Variants in VPS13D observed in about 807,000 individuals in gnomAD.
VPS13D encodes intermembrane lipid transfer protein VPS13D.
In VPS13D, 187 loss-of-function variants were observed where a neutral mutation model predicts 461.9. The observed-to-expected ratio is 0.40, with a 90% confidence interval of 0.36 to 0.46. The LOEUF (loss-of-function observed/expected upper bound fraction) is 0.46, where lower values mean the gene tolerates loss of function less well. Ranked by LOEUF, VPS13D falls within the 20% of genes least tolerant of loss-of-function variation. The probability of loss-of-function intolerance (pLI) is 0.60; values close to 1 mark genes in which losing one functional copy is unlikely to be tolerated. For synonymous variants in VPS13D, 1,951 were observed against 1,986.3 expected (o/e 0.98, Z 0.47); for missense variants, 4,711 against 5,364.9 (o/e 0.88, Z 3.81).
At position 12,278,046 on chromosome 1, in the gene VPS13D, G is replaced by A; in HGVS notation, c.4450+8G>A. 2 of 1,599,154 alleles carry A rather than the reference G, an allele frequency of 1.3e-6. No individual in the cohort carries two copies. Among genetic ancestry groups the A allele is most frequent in the South Asian group, 1.1e-5 (1 of 88,970 alleles). On this transcript the variant is annotated splice_region_variant and intron_variant, in intron 19 of 69. Transcript: ENST00000620676. ...CTTTGCATAGAGGTCAAGGTGAGGA[G>A]CATCAGTCTTTTGTTCTATTTTGTT... is the stretch of plus-strand genomic sequence containing the variant.
In VPS13D at chr1:12,283,656, C is replaced by G; in HGVS notation, c.5554C>G (p.Leu1852Val). The change falls in exon 21 of 70, where the codon CTG becomes GTG. Residue 1852 changes from leucine (L) to valine (V), a missense_variant. Transcript: ENST00000620676. ...AATGAGGCTGCCTCCTGAGGGCATT[C>G]TGCACAACGTGAAGTTGGAGCCACA... ...HAMRLPPEGI[L>V]HNVKLEPHAS... 1 of 1,614,184 alleles carries G rather than the reference C, an allele frequency of 6.2e-7. No homozygotes were observed. The highest frequency in any genetic ancestry group is 8.5e-7 in the Non-Finnish European group (1 of 1,180,034).
chr1:12,252,406 C>A (rs1008396601), intron 6 of VPS13D, among the ~76,000 whole-genome samples: 3 of 152,194 alleles, frequency 2.0e-5, no homozygotes, highest in Admixed American at 1.3e-4. Context: ...AGATATCAGG[C>A]CTTTTGTACG....
chr1:12,481,260 C>G (rs1645712381), intron 67 of VPS13D, among the ~76,000 whole-genome samples: 2 of 152,162 alleles, frequency 1.3e-5, no homozygotes, highest in Admixed American at 1.3e-4. Flanking sequence ...AAGTCTGCAT[C>G]CCAGTACCCA....
At position 12,267,018 on chromosome 1, in the gene VPS13D, A is replaced by G; in HGVS notation, c.1725+7A>G. 5.7e-6 allele frequency: 9 copies of G among 1,571,278 alleles called. No homozygotes were observed. The highest frequency in any genetic ancestry group is 6.9e-6 in the Non-Finnish European group (8 of 1,163,888). On this transcript the variant is annotated splice_region_variant and intron_variant, in intron 14 of 69. Transcript: ENST00000620676. ...TCTAGTCTTCCCTAATCCAGTATGTACAACAGTTGGATAGTTAATGTATCT... is the reference window on the plus strand; with the variant it reads ...TCTAGTCTTCCCTAATCCAGTATGTGCAACAGTTGGATAGTTAATGTATCT...
intron 5 of VPS13D, among the ~76,000 whole-genome samples, chr1:12,248,592 G>T (rs955757342): frequency 6.6e-6 from 1 of 152,170 alleles, no homozygotes; most frequent in Non-Finnish European, 1.5e-5. Flanking sequence ...TAATATTCCT[G>T]CCTCAGCTTC....
At chr1:12,390,417 C>T (rs1028295851) in intron 60 of VPS13D, among the ~76,000 whole-genome samples, 1 of 152,138 alleles carries the variant, frequency 6.6e-6, no homozygotes, top group African/African-American at 2.4e-5. Flanking sequence ...CATGGTAAGA[C>T]CAGTGAATTC....
chr1:12,467,605 G>A (rs1237369613), intron 67 of VPS13D, among the ~76,000 whole-genome samples: 1 of 152,102 alleles, frequency 6.6e-6, no homozygotes, highest in African/African-American at 2.4e-5. Flanking sequence ...TCTAAATACT[G>A]TATTCCCCTT....
chr1:12,252,637 TG>T lies in VPS13D; in HGVS notation c.565-1083del, dbSNP rs540624866. Among the ~76,000 whole-genome samples the T allele has an allele frequency of 1.1e-4, 17 of 151,946 alleles. 1 individual carries two copies. In the South Asian group the frequency reaches 2.9e-3, roughly 26 times the overall value. On this transcript the variant is annotated intron_variant, in intron 6 of 69. Coordinates refer to ENST00000620676, the MANE Select transcript of VPS13D (RefSeq NM_015378.4). ...AAATAAAAAAATTAGCCAGGCATGG[TG>T]GCATATACCTGTAGTCCCAGCTACT... is the stretch of plus-strand genomic sequence containing the variant.
At chr1:12,306,216 C>T (rs929051883) in intron 26 of VPS13D, among the ~76,000 whole-genome samples, 1 of 152,152 alleles carries the variant, frequency 6.6e-6, no homozygotes, top group Admixed American at 6.5e-5. Flanking sequence ...GATCTCCTGA[C>T]CTCGTGATCC....
In VPS13D at chr1:12,378,659, A is replaced by C. The variant is rs72868236; in HGVS notation, c.11081+68A>C. The C allele has an allele frequency of 0.036, 50,889 of 1,404,792 alleles. 1,638 individuals are homozygous for C. Among genetic ancestry groups the C allele is most frequent in the Admixed American group, 0.15 (5,438 of 36,880 alleles). The allele number at this position is 1,404,792 out of a possible 1,614,324, so 87.0% of individuals were successfully genotyped here. A position where few individuals can be genotyped will look rare whatever the true frequency, so the allele number is the denominator to read the frequency against. On this transcript the variant is annotated intron_variant, in intron 56 of 69. Coordinates refer to ENST00000620676, the MANE Select transcript of VPS13D (RefSeq NM_015378.4). ...AATTCAGACTCAGAGGAAATCTACAACAAAAACTAAGAGTTCTATAAATAA... is the reference window on the plus strand; with the variant it reads ...AATTCAGACTCAGAGGAAATCTACACCAAAAACTAAGAGTTCTATAAATAA...
In VPS13D at chr1:12,323,130, T is replaced by C. The variant is rs531307813; in HGVS notation, c.7915+384T>C. ...TGTCACCCAGGTTGGAGAGCAGTGG[T>C]GTGATCATAGCTTATTGCAGCCTCA... On this transcript the variant is annotated intron_variant, in intron 34 of 69. Coordinates refer to ENST00000620676, the MANE Select transcript of VPS13D (RefSeq NM_015378.4). 9.2e-5 allele frequency among the ~76,000 whole-genome samples: 14 copies of C among 152,302 alleles called. No homozygotes were observed. The South Asian group carries it at 2.9e-3, about 32-fold the overall frequency.
intron 65 of VPS13D, among the ~76,000 whole-genome samples, chr1:12,435,115 A>G (rs915582183): frequency 1.3e-5 from 2 of 152,216 alleles, no homozygotes; most frequent in Admixed American, 6.5e-5. Flanking sequence ...CAGCATTGCT[A>G]TACAGAAAAC....
intron 40 of VPS13D, among the ~76,000 whole-genome samples, chr1:12,341,005 G>A (rs569378793): frequency 2.0e-5 from 3 of 152,228 alleles, no homozygotes; most frequent in Admixed American, 6.5e-5. Flanking sequence ...GCACCAGAAA[G>A]CCTGCTTTGG....
chr1:12,250,896 C>T (rs1394538806), intron 6 of VPS13D, among the ~76,000 whole-genome samples: 1 of 151,778 alleles, frequency 6.6e-6, no homozygotes, highest in Non-Finnish European at 1.5e-5. Flanking sequence ...GTAGTTGCAG[C>T]AGAGACTGCA....
At chr1:12,333,439 C>A in intron 38 of VPS13D, 73 bp downstream of exon 38, 1 of 1,565,452 alleles carries the variant, frequency 6.4e-7, no homozygotes, top group Non-Finnish European at 8.7e-7. Flanking sequence ...GACTATTAAT[C>A]CTGGTTTAGC....
intron 63 of VPS13D, among the ~76,000 whole-genome samples, chr1:12,406,801 G>A (rs890650868): frequency 6.6e-6 from 1 of 152,164 alleles, no homozygotes; most frequent in Non-Finnish European, 1.5e-5. Context: ...GATCAAAAGA[G>A]GCCAGGAGCC....
chr1:12,293,520 T>G lies in VPS13D; in HGVS notation c.5853-4T>G, dbSNP rs749826755. On this transcript the variant is annotated splice_region_variant and splice_polypyrimidine_tract_variant and intron_variant, in intron 23 of 69. Transcript: ENST00000620676. ...CTGAGTCACACTTTTATCCTAATTTTTAGATACGGACGGCCTGACCCTCTG... is the reference window on the plus strand; with the variant it reads ...CTGAGTCACACTTTTATCCTAATTTGTAGATACGGACGGCCTGACCCTCTG... 1 of 1,590,650 alleles carries G rather than the reference T, an allele frequency of 6.3e-7. No individual in the cohort carries two copies. Among genetic ancestry groups the G allele is most frequent in the Non-Finnish European group, 8.6e-7 (1 of 1,166,642 alleles).
intron 69 of VPS13D, among the ~76,000 whole-genome samples, chr1:12,508,581 A>G (rs902068604): frequency 1.3e-5 from 2 of 150,130 alleles, no homozygotes; most frequent in Non-Finnish European, 3.0e-5. Context: ...AGCTGTGCAC[A>G]TGCCTGTAGT....
chr1:12,276,805 A>G lies in VPS13D; in HGVS notation c.3217A>G (p.Thr1073Ala). Residue 1073 changes from threonine to alanine, a missense_variant, in exon 19 of 70, where the codon ACC becomes GCC. Physicochemically the swap from Thr to Ala is moderately conservative, Grantham distance 58. Transcript: ENST00000620676. The surrounding 1 kb of genome is among the most constrained non-coding windows in gnomAD (Gnocchi z 4.5). ...ATSVSLDKIL[T>A]KEQESLIKLE... is the part of the protein sequence containing the mutation. ...TAGTGTTTCACTTGACAAAATTCTTACCAAAGAGCAAGAGTCCCTTATTAA... is the reference window on the plus strand; with the variant it reads ...TAGTGTTTCACTTGACAAAATTCTTGCCAAAGAGCAAGAGTCCCTTATTAA... 85 of 1,614,192 alleles carry G rather than the reference A, an allele frequency of 5.3e-5. No individual in the cohort carries two copies. The highest frequency in any genetic ancestry group is 7.1e-5 in the Non-Finnish European group (84 of 1,180,026).
Sources: gnomAD v4.1 joint callset for allele counts (sites outside exome capture counted in the v4.1 genomes callset) on GRCh38, gnomAD v4.1.1 for gene constraint, Gnocchi (gnomAD v3.1) non-coding constraint, MANE v1.5 for transcripts, NCBI Gene and HGNC (gene_info 2026-07-23, HGNC 2026-07-21) for gene names.